Variants in DLC1 observed in about 807,000 individuals in gnomAD.
DLC1 encodes rho GTPase-activating protein 7.
DLC1 carries 54 observed loss-of-function variants against 140.3 expected under a neutral mutation model. That is an observed-to-expected ratio of 0.38 (90% CI 0.31 to 0.48). The LOEUF is 0.48. Ranked by LOEUF, DLC1 falls within the 20% of genes least tolerant of loss-of-function variation. The probability of loss-of-function intolerance (pLI) is 0.96; values close to 1 mark genes in which losing one functional copy is unlikely to be tolerated. For synonymous variants in DLC1, 986 were observed against 728.1 expected (o/e 1.35, Z -5.70); for missense variants, 2,536 against 1,907.0 (o/e 1.33, Z -6.14).
intron 4 of DLC1, among the ~76,000 whole-genome samples, chr8:13,370,634 C>T (rs755095021): frequency 6.6e-6 from 1 of 152,210 alleles, no homozygotes; most frequent in Admixed American, 6.5e-5. Flanking sequence ...GGGCTGGCTT[C>T]AGGTGTGGCT....
chr8:13,439,491 T>A (rs1238497975), intron 2 of DLC1, among the ~76,000 whole-genome samples: 3 of 152,040 alleles, frequency 2.0e-5, no homozygotes, highest in East Asian at 3.9e-4. Context: ...TTTTTTTTTT[T>A]AAATCCCTAA....
At chr8:13,349,120 A>G (rs1834513448) in intron 4 of DLC1, among the ~76,000 whole-genome samples, 2 of 152,132 alleles carry the variant, frequency 1.3e-5, no homozygotes, top group Non-Finnish European at 2.9e-5. Flanking sequence ...GACACTAATC[A>G]GATAGGTTGT....
intron 1 of DLC1, among the ~76,000 whole-genome samples, chr8:13,554,149 C>G (rs780655326): frequency 1.3e-5 from 2 of 152,096 alleles, no homozygotes; most frequent in Non-Finnish European, 2.9e-5. Flanking sequence ...TCACTGCAAC[C>G]TCTGCCTCCT....
chr8:13,566,832 C>T (rs572275683), intron 1 of DLC1: 76 of 953,280 alleles, frequency 8.0e-5, no homozygotes, highest in South Asian at 4.8e-4. Context: ...GCATGAGCGG[C>T]CCGCGTTGCC....
chr8:13,544,175 C>T (rs1230798797), intron 1 of DLC1, among the ~76,000 whole-genome samples: 1 of 147,546 alleles, frequency 6.8e-6, no homozygotes, highest in Admixed American at 7.2e-5. Flanking sequence ...CTCTCTTTGT[C>T]ATTCTCTCTT....
At position 13,561,242 on chromosome 8, in the gene DLC1, C is replaced by T. The variant is rs903275250; in HGVS notation, c.-126+43295G>A. On this transcript the variant is annotated intron_variant, in intron 1 of 1. Transcript: ENST00000631382. ...ACCAGCAATCCTCCTGCCTCAGCCT[C>T]CTCAGTAGCTAGGACTAGAGGTGCA... Among the ~76,000 whole-genome samples the T allele has an allele frequency of 5.3e-5, 8 of 152,152 alleles. No individual in the cohort carries two copies. The South Asian group carries it at 1.7e-3, about 32-fold the overall frequency.
At chr8:13,339,368 CA>C (rs1259144294) in intron 4 of DLC1, 1 of 152,190 alleles carries the variant, frequency 6.6e-6, no homozygotes, top group Non-Finnish European at 1.5e-5. Flanking sequence ...AGCAGGGTGC[CA>C]GGCAAATAGC....
intron 1 of DLC1, among the ~76,000 whole-genome samples, chr8:13,545,656 T>C (rs1019477581): frequency 1.3e-5 from 2 of 152,142 alleles, no homozygotes; most frequent in African/African-American, 4.8e-5. Flanking sequence ...CAGATGATGA[T>C]ACTAATAATG....
At chr8:13,574,224 G>C (rs1259031521) in intron 1 of DLC1, among the ~76,000 whole-genome samples, 1 of 152,068 alleles carries the variant, frequency 6.6e-6, no homozygotes, top group East Asian at 1.9e-4. Flanking sequence ...TTTTTAATAA[G>C]AGATCCTTCC....
intron 4 of DLC1, among the ~76,000 whole-genome samples, chr8:13,391,534 C>A (rs1375606229): frequency 1.3e-5 from 2 of 152,042 alleles, no homozygotes; most frequent in African/African-American, 4.8e-5. Flanking sequence ...AAGAAAGATT[C>A]CATCACTCTA....
intron 5 of DLC1, among the ~76,000 whole-genome samples, chr8:13,158,035 G>A (rs1313030894): frequency 1.3e-5 from 2 of 152,214 alleles, no homozygotes; most frequent in Non-Finnish European, 2.9e-5. Context: ...CAAACCAGCT[G>A]GGCTTTGTTT....
intron 2 of DLC1, among the ~76,000 whole-genome samples, chr8:13,486,526 G>T (rs1800974645): frequency 6.6e-6 from 1 of 151,680 alleles, no homozygotes; most frequent in African/African-American, 2.4e-5. Flanking sequence ...TTCTCTGTGG[G>T]GCAGCAACTT....
chr8:13,381,304 C>G (rs890231531), intron 4 of DLC1, among the ~76,000 whole-genome samples: 1 of 152,132 alleles, frequency 6.6e-6, no homozygotes, highest in African/African-American at 2.4e-5. Context: ...TCACGTATCT[C>G]TACAGGTTGT....
chr8:13,392,494 C>G (rs957252122), intron 4 of DLC1, among the ~76,000 whole-genome samples: 2 of 152,108 alleles, frequency 1.3e-5, no homozygotes, highest in African/African-American at 2.4e-5. Flanking sequence ...GTTTTAAAAT[C>G]AGAGTATTAT....
chr8:13,106,988 C>T (rs1426661458), intron 7 of DLC1, among the ~76,000 whole-genome samples: 3 of 152,208 alleles, frequency 2.0e-5, no homozygotes, highest in Non-Finnish European at 4.4e-5. Flanking sequence ...AAGCGAATCA[C>T]TCCTCCAGGA....
intron 4 of DLC1, among the ~76,000 whole-genome samples, chr8:13,323,954 C>T (rs139280873): frequency 1.6e-4 from 25 of 152,296 alleles, no homozygotes; most frequent in East Asian, 1.4e-3. Context: ...TTACGAATTA[C>T]GTGAGACAGT....
At chr8:13,171,770 C>A (rs1214946254) in intron 5 of DLC1, among the ~76,000 whole-genome samples, 2 of 152,126 alleles carry the variant, frequency 1.3e-5, no homozygotes, top group African/African-American at 4.8e-5. Flanking sequence ...CTAATCAAGG[C>A]CTTGCGGAGG....
chr8:13,402,271 C>T (rs867596827), intron 2 of DLC1, among the ~76,000 whole-genome samples: 16 of 152,268 alleles, frequency 1.1e-4, no homozygotes, highest in Middle Eastern at 3.4e-3. Context: ...GTTCTCTGTA[C>T]TACAGACATA....
intron 4 of DLC1, among the ~76,000 whole-genome samples, chr8:13,346,196 C>G (rs1027660950): frequency 2.6e-5 from 4 of 152,164 alleles, no homozygotes; most frequent in Non-Finnish European, 4.4e-5. Context: ...TATTATGTCA[C>G]CTGTCTCTAC....
Sources: gnomAD v4.1 joint callset for allele counts (sites outside exome capture counted in the v4.1 genomes callset) on GRCh38, gnomAD v4.1.1 for gene constraint, MANE v1.5 for transcripts, NCBI Gene and HGNC (gene_info 2026-07-23, HGNC 2026-07-21) for gene names.